The following PROM1 variants were observed in gnomAD, a reference collection of about 807,000 sequenced individuals.
PROM1 encodes prominin 1, also known as prominin-1.
Under a neutral mutation model 116.9 loss-of-function variants are expected in PROM1, and 105 were observed. That is an observed-to-expected ratio of 0.90 (90% CI 0.77 to 1.06). The LOEUF is 1.06. PROM1 is among the 50% of genes least tolerant of loss of function. PROM1 has a pLI of 0.00. For synonymous variants in PROM1, 393 were observed against 387.0 expected (o/e 1.02, Z -0.18); for missense variants, 1,122 against 1,045.2 (o/e 1.07, Z -1.01).
intron 17 of PROM1, 71 bp from the exon 18 acceptor site, chr4:15,991,364 C>A: frequency 2.0e-6 from 2 of 1,012,502 alleles, no homozygotes; most frequent in Admixed American, 3.2e-5. Flanking sequence ...ATCTAGTAGG[C>A]AACAGATTAA....
At chr4:16,064,506 G>A (rs1038856747) in intron 2 of PROM1, among the ~76,000 whole-genome samples, 10 of 152,162 alleles carry the variant, frequency 6.6e-5, no homozygotes, top group South Asian at 2.1e-4. Context: ...TCTTTTTCAC[G>A]ATCTGAGTAC....
chr4:15,991,934 CAAAAAAAAA>C (rs56221717), intron 17 of PROM1, among the ~76,000 whole-genome samples: 11 of 55,322 alleles, frequency 2.0e-4, no homozygotes, highest in Non-Finnish European at 2.5e-4. Context: ...GACTCCGTCT[CAAAAAAAAA>C]AAAAAAAAAA....
chr4:16,030,482 A>G (rs936578286), intron 5 of PROM1, among the ~76,000 whole-genome samples: 1 of 152,202 alleles, frequency 6.6e-6, no homozygotes, highest in Non-Finnish European at 1.5e-5. Flanking sequence ...CACAGCATGC[A>G]TTTTTAAAAA....
At chr4:15,989,876 C>T (rs1030358975) in intron 18 of PROM1, 52 bp from the exon 19 acceptor site, 2 of 1,417,962 alleles carry the variant, frequency 1.4e-6, no homozygotes, top group East Asian at 4.9e-5. Context: ...AGACTCAAAG[C>T]ACTCTCGCTA....
rs536143434 is a variant in PROM1 at position 15,979,339 on chromosome 4, TAGG to T, written c.2582+53_2582+55del. ...ATGCAGAAAATTCAGTGCTGATCTA[TAGG>T]AGATGAGACGGTTTATCATAGGGCG... On this transcript the variant is annotated intron_variant, in intron 26 of 27. Coordinates refer to ENST00000447510, the MANE Select transcript of PROM1 (RefSeq NM_006017.3). 5.6e-6 allele frequency: 9 copies of T among 1,611,986 alleles called. No homozygotes were observed. In the East Asian group the frequency reaches 2.0e-4, roughly 36 times the overall value.
At position 16,047,707 on chromosome 4, in the gene PROM1, C is replaced by A. The variant is rs1578203785; in HGVS notation, c.221-8706G>T. Among the ~76,000 whole-genome samples the A allele has an allele frequency of 3.9e-5, 6 of 152,304 alleles. No homozygotes were observed. The South Asian group carries it at 1.2e-3, about 32-fold the overall frequency. On this transcript the variant is annotated intron_variant, in intron 2 of 27. Coordinates refer to ENST00000447510, the MANE Select transcript of PROM1 (RefSeq NM_006017.3). ...CCTGGCCTAACTCCACCCCAGCCAGCTATTGCTCCTGCTGGATGGTTATAC... is the reference window on the plus strand; with the variant it reads ...CCTGGCCTAACTCCACCCCAGCCAGATATTGCTCCTGCTGGATGGTTATAC...
intron 19 of PROM1, among the ~76,000 whole-genome samples, chr4:15,989,127 C>T (rs958506788): frequency 6.6e-5 from 10 of 152,136 alleles, no homozygotes; most frequent in Admixed American, 5.9e-4. Context: ...TTGATCCCAA[C>T]ATTTTTAGAT....
At chr4:16,018,112 A>G (rs541217105) in intron 9 of PROM1, among the ~76,000 whole-genome samples, 48 of 152,226 alleles carry the variant, frequency 3.2e-4, no homozygotes, top group African/African-American at 1.2e-3. Flanking sequence ...AATGGCAGAG[A>G]ACTCTCATGA....
intron 2 of PROM1, among the ~76,000 whole-genome samples, chr4:16,068,080 T>C (rs917101959): frequency 7.9e-5 from 12 of 152,028 alleles, no homozygotes; most frequent in African/African-American, 2.9e-4. Context: ...AGAGTAGATG[T>C]ACAGAGAAGC....
At chr4:16,074,068 A>G (rs1743427657) in intron 2 of PROM1, among the ~76,000 whole-genome samples, 1 of 152,208 alleles carries the variant, frequency 6.6e-6, no homozygotes, top group Non-Finnish European at 1.5e-5. Context: ...TATGCCTTTT[A>G]TATTAAAACA....
intron 2 of PROM1, among the ~76,000 whole-genome samples, chr4:16,074,911 A>T (rs1027758749): frequency 6.6e-6 from 1 of 152,256 alleles, no homozygotes; most frequent in Non-Finnish European, 1.5e-5. Context: ...TTGTAATCAA[A>T]TCTTTGTAAC....
intron 11 of PROM1, among the ~76,000 whole-genome samples, chr4:16,010,633 G>T (rs1661280748): frequency 6.6e-6 from 1 of 152,208 alleles, no homozygotes; most frequent in East Asian, 1.9e-4. Flanking sequence ...CTCCCAAGTA[G>T]CTGGGACTAC....
At chr4:16,033,594 T>TTTTTC (rs1733285618) in intron 4 of PROM1, 85 bp from the exon 5 acceptor site, 1 of 1,174,832 alleles carries the variant, frequency 8.5e-7, no homozygotes, top group Non-Finnish European at 1.1e-6. Flanking sequence ...TTCTTTTTTT[T>TTTTTC]TTTTTTTTTT....
intron 26 of PROM1, among the ~76,000 whole-genome samples, chr4:15,974,410 T>C (rs1216600653): frequency 6.6e-6 from 1 of 152,124 alleles, no homozygotes; most frequent in Non-Finnish European, 1.5e-5. Flanking sequence ...AGTGTGCGTG[T>C]GTGTGTTTAA....
At chr4:15,975,896 G>T (rs1314688618) in intron 26 of PROM1, among the ~76,000 whole-genome samples, 1 of 152,196 alleles carries the variant, frequency 6.6e-6, no homozygotes, top group East Asian at 1.9e-4. Context: ...GTGTCACTCA[G>T]TCTTTGGGAT....
At chr4:16,054,632 A>G (rs1283261901) in intron 2 of PROM1, among the ~76,000 whole-genome samples, 1 of 152,184 alleles carries the variant, frequency 6.6e-6, no homozygotes, top group Non-Finnish European at 1.5e-5. Context: ...AATAATACTC[A>G]TCATTAAAAA....
Position 15,980,512 on chromosome 4 carries a change from T to C in PROM1, c.2399A>G (p.Lys800Arg). ...PLNLFWFGIG[K>R]ATVFLLPALI... is the part of the protein sequence containing the mutation. ...AGCCGGAAGTAAAAATACAGTAGCT[T>C]TTCCTATGCCAAACCAAAACAAATT... Residue 800 changes from lysine to arginine, a missense_variant, in exon 24 of 28, where the codon AAA becomes AGA. Transcript: ENST00000447510. 1 of 1,550,196 alleles carries C rather than the reference T, an allele frequency of 6.5e-7. No individual in the cohort carries two copies. The highest frequency in any genetic ancestry group is 1.2e-5 in the South Asian group (1 of 83,878).
At chr4:16,077,193 G>A (rs558316122) in intron 1 of PROM1, among the ~76,000 whole-genome samples, 1 of 152,278 alleles carries the variant, frequency 6.6e-6, no homozygotes, top group Admixed American at 6.5e-5. Context: ...GGAATGTCTC[G>A]GTATAAAACC....
chr4:15,996,646 TA>T (rs1722398070), intron 15 of PROM1, among the ~76,000 whole-genome samples: 1 of 152,218 alleles, frequency 6.6e-6, no homozygotes. Context: ...TATTTCAAAA[TA>T]TTTTTAAAAA....
Sources: gnomAD v4.1 joint callset for allele counts (sites outside exome capture counted in the v4.1 genomes callset) on GRCh38, gnomAD v4.1.1 for gene constraint, MANE v1.5 for transcripts, NCBI Gene and HGNC (gene_info 2026-07-23, HGNC 2026-07-21) for gene names.